Variants in WDR70 observed in about 807,000 individuals in gnomAD.
WDR70 encodes WD repeat domain 70.
WDR70 carries 53 observed loss-of-function variants against 88.6 expected under a neutral mutation model. The observed-to-expected ratio is 0.60, with a 90% CI of 0.48 to 0.75. The LOEUF (loss-of-function observed/expected upper bound fraction) is 0.75. Ranked by LOEUF, WDR70 falls within the 30% of genes least tolerant of loss-of-function variation. The pLI, the probability that WDR70 is intolerant of heterozygous loss-of-function variation, is 0.00. For missense variants in WDR70, 610 were observed against 823.2 expected (o/e 0.74, Z 3.17); for synonymous variants, 280 against 270.0 (o/e 1.04, Z -0.36).
intron 8 of WDR70, among the ~76,000 whole-genome samples, chr5:37,513,606 A>G (rs1248667229): frequency 1.3e-5 from 2 of 152,190 alleles, no homozygotes; most frequent in African/African-American, 4.8e-5. Flanking sequence ...ACATGATCAC[A>G]AGGTCCCACA....
At chr5:37,518,452 C>A (rs1181455011) in intron 9 of WDR70, among the ~76,000 whole-genome samples, 3 of 152,066 alleles carry the variant, frequency 2.0e-5, no homozygotes, top group Non-Finnish European at 4.4e-5. Flanking sequence ...TGAGAACATG[C>A]AATGGTTGTC....
chr5:37,417,699 G>A (rs906260303), intron 5 of WDR70, among the ~76,000 whole-genome samples: 39 of 152,020 alleles, frequency 2.6e-4, no homozygotes, highest in African/African-American at 9.2e-4. Context: ...CCCCCATGCC[G>A]AGCTAATTAT....
intron 10 of WDR70, among the ~76,000 whole-genome samples, chr5:37,614,923 T>A (rs1471696114): frequency 6.6e-6 from 1 of 151,774 alleles, no homozygotes; most frequent in Non-Finnish European, 1.5e-5. Context: ...AAGGAAAAAA[T>A]TATTCTCTCT....
At chr5:37,536,500 C>T (rs1446329663) in intron 9 of WDR70, among the ~76,000 whole-genome samples, 3 of 151,570 alleles carry the variant, frequency 2.0e-5, no homozygotes, top group African/African-American at 4.9e-5. Flanking sequence ...GTTGAGTATC[C>T]CTAAACTGAA....
At chr5:37,685,018 C>T (rs1201933456) in intron 10 of WDR70, among the ~76,000 whole-genome samples, 1 of 152,142 alleles carries the variant, frequency 6.6e-6, no homozygotes, top group Non-Finnish European at 1.5e-5. Context: ...TGTGTGTGCC[C>T]TCTGTGCATG....
chr5:37,702,330 A>C (rs1561080549), intron 12 of WDR70, among the ~76,000 whole-genome samples: 1 of 152,192 alleles, frequency 6.6e-6, no homozygotes, highest in Non-Finnish European at 1.5e-5. Flanking sequence ...AAGTAATGCT[A>C]ACTATATAAC....
chr5:37,393,858 T>C (rs960517514), intron 4 of WDR70, among the ~76,000 whole-genome samples: 1 of 152,156 alleles, frequency 6.6e-6, no homozygotes, highest in Non-Finnish European at 1.5e-5. Context: ...TTTTTGTATT[T>C]TTTTGTAGAG....
intron 17 of WDR70, among the ~76,000 whole-genome samples, chr5:37,729,465 G>T (rs909808510): frequency 1.3e-5 from 2 of 152,178 alleles, no homozygotes; most frequent in African/African-American, 2.4e-5. Flanking sequence ...TGTATCACAG[G>T]TTCCCTAACT....
chr5:37,643,028 C>G (rs556566171), intron 10 of WDR70, among the ~76,000 whole-genome samples: 2 of 152,032 alleles, frequency 1.3e-5, no homozygotes, highest in East Asian at 3.9e-4. Context: ...CTTTGATTAC[C>G]TATGCTTGTG....
intron 9 of WDR70, among the ~76,000 whole-genome samples, chr5:37,533,405 A>G (rs1741558380): frequency 6.6e-6 from 1 of 152,170 alleles, no homozygotes; most frequent in South Asian, 2.1e-4. Context: ...TATCCTGACC[A>G]ACATGGTGAA....
intron 10 of WDR70, among the ~76,000 whole-genome samples, chr5:37,679,338 C>G (rs998010637): frequency 1.2e-4 from 18 of 151,526 alleles, no homozygotes; most frequent in African/African-American, 4.1e-4. Flanking sequence ...TTTTTCTGCT[C>G]TGTTTTTTCC....
intron 9 of WDR70, among the ~76,000 whole-genome samples, chr5:37,585,469 C>G (rs1743340121): frequency 6.6e-6 from 1 of 152,186 alleles, no homozygotes; most frequent in South Asian, 2.1e-4. Context: ...TTACAGAATT[C>G]TTCTCTTTGT....
chr5:37,620,473 T>C (rs1744478523), intron 10 of WDR70, among the ~76,000 whole-genome samples: 1 of 152,206 alleles, frequency 6.6e-6, no homozygotes, highest in Non-Finnish European at 1.5e-5. Flanking sequence ...ATTATACTTG[T>C]CTTGTAAAGC....
intron 8 of WDR70, among the ~76,000 whole-genome samples, chr5:37,481,482 T>G (rs1739667906): frequency 6.6e-6 from 1 of 152,118 alleles, no homozygotes; most frequent in African/African-American, 2.4e-5. Flanking sequence ...GTTTGGGACT[T>G]GCACCCTCTG....
rs752741154 is a variant in WDR70, at chr5:37,392,016, G to C, written c.192G>C (p.Glu64Asp). The C allele has an allele frequency of 6.2e-7, 1 of 1,600,728 alleles. No individual in the cohort carries two copies. The highest frequency in any genetic ancestry group is 1.8e-5 in the Admixed American group (1 of 55,306). Reference protein sequence around the residue: ...SRKTLEAREKEEEMNREKELR... With the variant: ...SRKTLEAREKDEEMNREKELR... The stretch of plus-strand genomic sequence containing the variant: ...TCTTTTCAGAAGCAAGAGAAAAAGA[G>C]GAAGAAATGAACAGAGAGAAAGAAT... The change falls in exon 4 of 18, where the codon GAG (glutamate) becomes GAC (aspartate). Residue 64 changes from glutamate (E) to aspartate (D), a missense_variant. Glu to Asp is a conservative substitution (Grantham distance 45). Coordinates refer to ENST00000265107, the MANE Select transcript of WDR70 (RefSeq NM_018034.4).
At chr5:37,456,663 T>C (rs1262037325) in intron 7 of WDR70, among the ~76,000 whole-genome samples, 3 of 152,196 alleles carry the variant, frequency 2.0e-5, no homozygotes, top group Non-Finnish European at 4.4e-5. Context: ...AGAACTTTCA[T>C]TTTATATTTT....
In WDR70 at chr5:37,505,896, G is replaced by C. The variant is rs908778774; in HGVS notation, c.841-10618G>C. 4 of 1,346,836 alleles carry C rather than the reference G, an allele frequency of 3.0e-6. No homozygotes were observed. In the African/African-American group the frequency reaches 5.7e-5, roughly 19 times the overall value. The allele number at this position is 1,346,836 out of a possible 1,614,324, so 83.4% of individuals were successfully genotyped here. A position where few individuals can be genotyped will look rare whatever the true frequency, so the allele number is the denominator to read the frequency against. ...GGTAGCCACTCTCAAGTTAATTCCTGTCATCTGACTTCCTTCCATATCCAC... is the reference window on the plus strand; with the variant it reads ...GGTAGCCACTCTCAAGTTAATTCCTCTCATCTGACTTCCTTCCATATCCAC... On this transcript the variant is annotated intron_variant, in intron 8 of 17. Transcript: ENST00000265107.
intron 10 of WDR70, among the ~76,000 whole-genome samples, chr5:37,690,430 A>G (rs574982071): frequency 3.3e-5 from 5 of 152,348 alleles, no homozygotes; most frequent in African/African-American, 1.2e-4. Context: ...GCTTGAAATG[A>G]AGGAAAAAAT....
intron 5 of WDR70, among the ~76,000 whole-genome samples, chr5:37,418,388 C>T (rs1325184137): frequency 5.9e-5 from 9 of 151,926 alleles, no homozygotes; most frequent in African/African-American, 1.9e-4. Flanking sequence ...GGCGTGATCT[C>T]GGCTCACTGC....
Sources: gnomAD v4.1 joint callset for allele counts (sites outside exome capture counted in the v4.1 genomes callset) on GRCh38, gnomAD v4.1.1 for gene constraint, MANE v1.5 for transcripts, NCBI Gene and HGNC (gene_info 2026-07-23, HGNC 2026-07-21) for gene names.